The following DNAH7 variants were observed in gnomAD, a reference collection of about 807,000 sequenced individuals.
DNAH7 encodes axonemal beta dynein heavy chain 7.
DNAH7 carries 397 observed loss-of-function variants against 444.6 expected under a neutral mutation model. The ratio of observed to expected loss-of-function variants is 0.89; its 90% CI spans 0.82 to 0.97. The LOEUF (loss-of-function observed/expected upper bound fraction) is 0.97. DNAH7 is among the 50% of genes least tolerant of loss of function. The probability of loss-of-function intolerance (pLI) is 0.00; values close to 1 mark genes in which losing one functional copy is unlikely to be tolerated. For synonymous variants in DNAH7, 1,636 were observed against 1,624.4 expected (o/e 1.01, Z -0.17); for missense variants, 4,902 against 4,800.8 (o/e 1.02, Z -0.62).
intron 19 of DNAH7, among the ~76,000 whole-genome samples, chr2:195,939,640 A>AT (rs1347773165): frequency 1.3e-5 from 2 of 152,120 alleles, no homozygotes; most frequent in African/African-American, 2.4e-5. Context: ...ATTAATTGTC[A>AT]TTTTTTTGGT....
At chr2:196,005,323 T>TAA (rs1439751016) in intron 10 of DNAH7, among the ~76,000 whole-genome samples, 3 of 150,858 alleles carry the variant, frequency 2.0e-5, no homozygotes, top group Non-Finnish European at 3.0e-5. Flanking sequence ...TATATATATA[T>TAA]AACTAAACTC....
At chr2:195,919,510 A>G (rs1174932140) in intron 24 of DNAH7, among the ~76,000 whole-genome samples, 1 of 151,796 alleles carries the variant, frequency 6.6e-6, no homozygotes, top group Non-Finnish European at 1.5e-5. Context: ...CCACCCAGCT[A>G]ATTTTTATAT....
At chr2:195,816,564 C>T in intron 51 of DNAH7, 64 bp downstream of exon 51, 1 of 1,249,442 alleles carries the variant, frequency 8.0e-7, no homozygotes, top group Non-Finnish European at 1.1e-6. Context: ...CAATAGAGGT[C>T]ACAAATTACT....
intron 63 of DNAH7, among the ~76,000 whole-genome samples, chr2:195,752,270 CAAAAA>C (rs67890551): frequency 1.5e-5 from 2 of 132,692 alleles, no homozygotes; most frequent in South Asian, 5.1e-4. Context: ...GACCCTATCT[CAAAAA>C]AAAAAAAAAA....
chr2:195,985,900 T>C (rs752465419), intron 14 of DNAH7, among the ~76,000 whole-genome samples: 1 of 152,186 alleles, frequency 6.6e-6, no homozygotes, highest in Non-Finnish European at 1.5e-5. Flanking sequence ...CACAGTACCT[T>C]CATCCCCAGC....
intron 19 of DNAH7, among the ~76,000 whole-genome samples, chr2:195,941,111 T>A (rs953540209): frequency 6.6e-6 from 1 of 152,104 alleles, no homozygotes; most frequent in Non-Finnish European, 1.5e-5. Flanking sequence ...AGCAAAGACT[T>A]GGAACCAACC....
At chr2:195,974,182 GAT>G (rs1692035382) in intron 15 of DNAH7, among the ~76,000 whole-genome samples, 1 of 152,184 alleles carries the variant, frequency 6.6e-6, no homozygotes, top group Non-Finnish European at 1.5e-5. Context: ...ATTGTTCATT[GAT>G]ATATTATTCT....
At chr2:196,053,502 G>C (rs1329100623) in intron 2 of DNAH7, among the ~76,000 whole-genome samples, 1 of 152,170 alleles carries the variant, frequency 6.6e-6, no homozygotes, top group Non-Finnish European at 1.5e-5. Flanking sequence ...TTTCATAAAT[G>C]GTTCTGATGA....
At chr2:195,807,444 C>T (rs148898015) in intron 53 of DNAH7, among the ~76,000 whole-genome samples, 307 of 152,328 alleles carry the variant, frequency 2.0e-3, no homozygotes, top group Non-Finnish European at 3.4e-3. Flanking sequence ...AGGTATGAGC[C>T]ACTGCTCCCA....
chr2:195,748,359 T>C (rs143914397), intron 63 of DNAH7, among the ~76,000 whole-genome samples: 9,300 of 152,234 alleles, frequency 0.061, 393 homozygotes, highest in African/African-American at 0.12. Context: ...TGGAAGAACA[T>C]TCCATGCTCA....
chr2:196,002,052 A>G (rs1390582752), intron 10 of DNAH7, among the ~76,000 whole-genome samples, 194 bp from the exon 11 acceptor site: 1 of 152,250 alleles, frequency 6.6e-6, no homozygotes, highest in Non-Finnish European at 1.5e-5. Flanking sequence ...AATCTTAGCC[A>G]ATAGAAAATT....
intron 59 of DNAH7, among the ~76,000 whole-genome samples, chr2:195,776,256 C>G (rs1394640696): frequency 2.0e-5 from 3 of 151,956 alleles, no homozygotes; most frequent in Non-Finnish European, 4.4e-5. Flanking sequence ...CCAGCCTGAC[C>G]AACATGGAGA....
At position 196,068,752 on chromosome 2, in the gene DNAH7, G is replaced by A. The variant is rs199909088; in HGVS notation, c.-41C>T. ...CTGGCCTCACCGGTGCTTCTGGGTT[G>A]CTCCTGCCCGCGGAACCCCTAGGAC... On this transcript the variant is annotated 5_prime_UTR_variant, in exon 1 of 65. Transcript: ENST00000312428. 144 of 1,549,136 alleles carry A rather than the reference G, an allele frequency of 9.3e-5. No individual in the cohort carries two copies. The highest frequency in any genetic ancestry group is 3.9e-4 in the Middle Eastern group (2 of 5,166).
chr2:195,779,555 T>G (rs1695272141), intron 58 of DNAH7, among the ~76,000 whole-genome samples: 1 of 148,764 alleles, frequency 6.7e-6, no homozygotes, highest in African/African-American at 2.5e-5. Flanking sequence ...ATATTTGTTG[T>G]TTTTTTTTTA....
rs373108957 is a variant in DNAH7, at chr2:195,834,197, A to T, written c.9100+9T>A. Reference sequence around the variant, plus strand: ...TTCTGTAATGTATCTTAGTTATTCAACTACATACCAGGAGTACCAAACTGG... The same window carrying T: ...TTCTGTAATGTATCTTAGTTATTCATCTACATACCAGGAGTACCAAACTGG... On this transcript the variant is annotated intron_variant, in intron 48 of 64. Transcript: ENST00000312428. The T allele has an allele frequency of 6.3e-7, 1 of 1,599,250 alleles. No homozygotes were observed. The highest frequency in any genetic ancestry group is 2.2e-5 in the East Asian group (1 of 44,474).
chr2:196,055,358 CA>C (rs1393701967), intron 2 of DNAH7, among the ~76,000 whole-genome samples: 2 of 151,884 alleles, frequency 1.3e-5, no homozygotes, highest in Non-Finnish European at 2.9e-5. Flanking sequence ...AAAAAAATTA[CA>C]AAATGGTTAA....
intron 10 of DNAH7, among the ~76,000 whole-genome samples, chr2:196,011,775 A>G (rs777079598): frequency 1.3e-5 from 2 of 152,166 alleles, no homozygotes; most frequent in Non-Finnish European, 2.9e-5. Flanking sequence ...AAATAATTCA[A>G]TAAAGGTTTG....
chr2:195,906,378 T>C (rs973734176), intron 27 of DNAH7, among the ~76,000 whole-genome samples: 7 of 150,852 alleles, frequency 4.6e-5, no homozygotes, highest in Admixed American at 1.3e-4. Context: ...AACTCAAGGA[T>C]AGCATATTCT....
rs532255063 is a variant in DNAH7 at position 195,765,182 on chromosome 2, G to A, written c.11433+6478C>T. Among the ~76,000 whole-genome samples, 27 of 152,224 alleles carry A rather than the reference G, an allele frequency of 1.8e-4. No individual in the cohort carries two copies. In the South Asian group the frequency reaches 5.6e-3, roughly 32 times the overall value. ...TGCTGGGAAATCTGGATATTCATATGCAGAAAAGTGAAACCAGACCCCCAT... is the reference window on the plus strand; with the variant it reads ...TGCTGGGAAATCTGGATATTCATATACAGAAAAGTGAAACCAGACCCCCAT... On this transcript the variant is annotated intron_variant, in intron 61 of 64. Transcript: ENST00000312428.
Sources: allele counts gnomAD v4.1 joint callset (sites outside exome capture counted in the v4.1 genomes callset), GRCh38; gene constraint gnomAD v4.1.1; transcripts MANE v1.5; gene names NCBI Gene and HGNC (gene_info 2026-07-23, HGNC 2026-07-21).